Variants in CADPS2 observed in about 807,000 individuals in gnomAD.
The protein encoded by CADPS2 is calcium dependent secretion activator 2.
A neutral mutation model predicts 172.5 loss-of-function variants in CADPS2; 93 were observed. That is an observed-to-expected ratio of 0.54 (90% confidence interval 0.46 to 0.64). The LOEUF (loss-of-function observed/expected upper bound fraction) is 0.64, where lower values mean the gene tolerates loss of function less well. Ranked by LOEUF, CADPS2 falls within the 30% of genes least tolerant of loss-of-function variation. The pLI is 0.00. For synonymous variants in CADPS2, 546 were observed against 555.2 expected (o/e 0.98, Z 0.23); for missense variants, 1,420 against 1,565.9 (o/e 0.91, Z 1.57).
intron 9 of CADPS2, among the ~76,000 whole-genome samples, chr7:122,500,096 T>C (rs2059073643): frequency 6.6e-6 from 1 of 152,182 alleles, no homozygotes; most frequent in Admixed American, 6.5e-5. Context: ...ATTCAGTTCT[T>C]CACCTGAACT....
At chr7:122,419,119 T>C (rs965130470) in intron 17 of CADPS2, among the ~76,000 whole-genome samples, 2 of 152,196 alleles carry the variant, frequency 1.3e-5, no homozygotes, top group East Asian at 1.9e-4. Context: ...ATTCATATAG[T>C]TATCTTGTGC....
chr7:122,568,738 T>C (rs1267825938), intron 7 of CADPS2, among the ~76,000 whole-genome samples: 1 of 152,122 alleles, frequency 6.6e-6, no homozygotes, highest in Non-Finnish European at 1.5e-5. Flanking sequence ...ATACAGCTTC[T>C]AGAAGAAAAC....
chr7:122,581,324 G>C (rs2068780710), intron 6 of CADPS2, 34 bp from the exon 7 acceptor site: 12 of 1,550,388 alleles, frequency 7.7e-6, no homozygotes, highest in Non-Finnish European at 8.9e-6. Flanking sequence ...TTCTTAAAAT[G>C]CAGCATTATT....
At chr7:122,839,653 T>A (rs533684947) in intron 1 of CADPS2, among the ~76,000 whole-genome samples, 16 of 152,308 alleles carry the variant, frequency 1.1e-4, no homozygotes, top group Non-Finnish European at 2.1e-4. Flanking sequence ...AGAAGACATT[T>A]ATGCAGCCAA....
In CADPS2 at chr7:122,673,977, G is replaced by A. The variant is rs562806564; in HGVS notation, c.454-10408C>T. On this transcript the variant is annotated intron_variant, in intron 2 of 29. Transcript: ENST00000449022. ...GCTGCAGGTCCCCAACCCTGAGCGGGGAGGCGGCTGAGGCCCAGTGAGAAC... is the reference window on the plus strand; with the variant it reads ...GCTGCAGGTCCCCAACCCTGAGCGGAGAGGCGGCTGAGGCCCAGTGAGAAC... Among the ~76,000 whole-genome samples the A allele has an allele frequency of 1.4e-3, 219 of 152,250 alleles. 2 individuals are homozygous for A. Among genetic ancestry groups the A allele is most frequent in the African/African-American group, 5.0e-3 (206 of 41,560 alleles).
chr7:122,530,199 CTAAAAA>C lies in CADPS2; in HGVS notation c.1476-16890_1476-16885del, dbSNP rs538274836. On this transcript the variant is annotated intron_variant, in intron 8 of 29. Transcript: ENST00000449022. ...AGGTGAGTAAATGATCCTTAGTAATCTAAAAATAAAATATATTTGTGAACTCTAAAA... is the reference window on the plus strand; with the variant it reads ...AGGTGAGTAAATGATCCTTAGTAATCTAAAATATATTTGTGAACTCTAAAA... Among the ~76,000 whole-genome samples the C allele has an allele frequency of 1.3e-3, 204 of 151,842 alleles. 1 individual carries two copies. The highest frequency in any genetic ancestry group is 2.4e-3 in the Non-Finnish European group (160 of 67,884).
chr7:122,865,012 G>A (rs1032277741), intron 1 of CADPS2, among the ~76,000 whole-genome samples: 7 of 152,100 alleles, frequency 4.6e-5, no homozygotes, highest in African/African-American at 7.2e-5. Flanking sequence ...TTGGAAGTAG[G>A]GGCCTAATGG....
intron 2 of CADPS2, among the ~76,000 whole-genome samples, chr7:122,700,903 T>C (rs1348405848): frequency 2.6e-5 from 4 of 152,162 alleles, no homozygotes; most frequent in Admixed American, 2.0e-4. Context: ...TTTCCTTACA[T>C]ATCCAAAGTA....
chr7:122,496,701 A>G (rs1325554564), intron 9 of CADPS2, among the ~76,000 whole-genome samples: 1 of 152,070 alleles, frequency 6.6e-6, no homozygotes, highest in Non-Finnish European at 1.5e-5. Context: ...TTTCATTGTT[A>G]TCAGAATAAT....
At chr7:122,576,795 T>C (rs1046144230) in intron 7 of CADPS2, among the ~76,000 whole-genome samples, 26 of 147,068 alleles carry the variant, frequency 1.8e-4, no homozygotes, top group Admixed American at 6.3e-4. Context: ...TTTTTTGAGA[T>C]GGAGTCTTGC....
chr7:122,423,350 T>C (rs894138685), intron 17 of CADPS2, among the ~76,000 whole-genome samples: 1 of 152,144 alleles, frequency 6.6e-6, no homozygotes, highest in Non-Finnish European at 1.5e-5. Context: ...CCCTGCCATC[T>C]GTCTGCCAGT....
At position 122,477,016 on chromosome 7, in the gene CADPS2, AGGAGAGGAGAGGAGAGGAGAG is replaced by A. The variant is rs1465292452; in HGVS notation, c.1862-2520_1862-2500del. On this transcript the variant is annotated intron_variant, in intron 12 of 29. Transcript: ENST00000449022. ...GGGAGGGGAGAGGAGAGGAGAGGAG[AGGAGAGGAGAGGAGAGGAGAG>A]GAGAGGAGAGAGAGAAGAGAGAGAG... is the stretch of plus-strand genomic sequence containing the variant. Among the ~76,000 whole-genome samples the A allele has an allele frequency of 2.0e-3, 205 of 105,050 alleles. 1 individual carries two copies. The highest frequency in any genetic ancestry group is 9.7e-3 in the Middle Eastern group (2 of 206). The allele number at this position is 105,050 out of a possible 152,430, so 68.9% of individuals were successfully genotyped here. A position where few individuals can be genotyped will look rare whatever the true frequency, so the allele number is the denominator to read the frequency against.
At chr7:122,700,656 T>C (rs1043643727) in intron 2 of CADPS2, among the ~76,000 whole-genome samples, 6 of 152,144 alleles carry the variant, frequency 3.9e-5, no homozygotes, top group Non-Finnish European at 8.8e-5. Context: ...GCAAAGAATA[T>C]AACATCGAAA....
chr7:122,524,336 G>C (rs2061037603), intron 8 of CADPS2, among the ~76,000 whole-genome samples: 1 of 151,906 alleles, frequency 6.6e-6, no homozygotes, highest in South Asian at 2.1e-4. Context: ...TGGAAATGTA[G>C]GTATCGGTCT....
chr7:122,465,178 G>A (rs2054977822), intron 14 of CADPS2, among the ~76,000 whole-genome samples: 1 of 152,000 alleles, frequency 6.6e-6, no homozygotes, highest in Non-Finnish European at 1.5e-5. Flanking sequence ...TGTAGATCGA[G>A]CAAAAAATAC....
chr7:122,404,641 C>G (rs2046408746), intron 20 of CADPS2, among the ~76,000 whole-genome samples: 1 of 152,174 alleles, frequency 6.6e-6, no homozygotes, highest in Non-Finnish European at 1.5e-5. Flanking sequence ...TCTCCACATC[C>G]TCTCCAGCAC....
intron 9 of CADPS2, among the ~76,000 whole-genome samples, chr7:122,508,731 T>C (rs2059807564): frequency 6.6e-6 from 1 of 152,086 alleles, no homozygotes; most frequent in Non-Finnish European, 1.5e-5. Flanking sequence ...AATGATTCCA[T>C]TAGGAATGAA....
At chr7:122,673,660 C>T (rs1466959032) in intron 2 of CADPS2, among the ~76,000 whole-genome samples, 5 of 152,058 alleles carry the variant, frequency 3.3e-5, no homozygotes, top group Admixed American at 6.5e-5. Flanking sequence ...CCGAGCTAGA[C>T]ACAGATTGCT....
At chr7:122,556,863 T>A (rs1347644444) in intron 7 of CADPS2, among the ~76,000 whole-genome samples, 2 of 152,150 alleles carry the variant, frequency 1.3e-5, no homozygotes, top group African/African-American at 4.8e-5. Context: ...ATAGCACTCT[T>A]AGCTCTGATA....
Sources: gnomAD v4.1 joint callset for allele counts (sites outside exome capture counted in the v4.1 genomes callset) on GRCh38, gnomAD v4.1.1 for gene constraint, MANE v1.5 for transcripts, NCBI Gene and HGNC (gene_info 2026-07-23, HGNC 2026-07-21) for gene names.